Variants in ARHGAP10 observed in about 807,000 individuals in gnomAD.
ARHGAP10 encodes rho GTPase-activating protein 10.
Under a neutral mutation model 108.6 loss-of-function variants are expected in ARHGAP10, and 87 were observed. That is an observed-to-expected ratio of 0.80 (90% CI 0.67 to 0.96). ARHGAP10 has a LOEUF of 0.96. ARHGAP10 is among the 40% of genes least tolerant of loss of function. The pLI is 0.00. For missense variants in ARHGAP10, 939 were observed against 954.5 expected, an observed-to-expected ratio of 0.98 and a Z score of 0.21; for synonymous variants, 347 against 341.1, an observed-to-expected ratio of 1.02 and a Z score of -0.19.
Position 147,857,600 on chromosome 4 carries a change from A to C in ARHGAP10, c.432A>C (p.Leu144=), listed in dbSNP as rs773264728. 6.7e-7 allele frequency: 1 copy of C among 1,488,394 alleles called. No homozygotes were observed. The highest frequency in any genetic ancestry group is 8.9e-7 in the Non-Finnish European group (1 of 1,121,436). The allele number at this position is 1,488,394 out of a possible 1,614,324, so 92.2% of individuals were successfully genotyped here. Residue 144 remains leucine, a synonymous_variant, in exon 5 of 23, where the codon CTA becomes CTC. Coordinates refer to ENST00000336498, the MANE Select transcript of ARHGAP10 (RefSeq NM_024605.4). ...FDKETEKNYS[L]IDKHLNLSAK... ...AAGAGACAGAAAAGAATTATAGTCT[A>C]ATTGATAAACATTTGAATTTATCAG...
chr4:147,981,994 G>A (rs1027517864), intron 18 of ARHGAP10, among the ~76,000 whole-genome samples: 1 of 152,154 alleles, frequency 6.6e-6, no homozygotes, highest in African/African-American at 2.4e-5. Context: ...GCAGAAGGAC[G>A]GATCTTGGTT....
intron 1 of ARHGAP10, among the ~76,000 whole-genome samples, chr4:147,796,158 T>G (rs898683884): frequency 9.9e-5 from 15 of 152,240 alleles, no homozygotes; most frequent in Non-Finnish European, 8.8e-5. Context: ...GAAAATAAGT[T>G]TATAATAGTT....
intron 1 of ARHGAP10, among the ~76,000 whole-genome samples, chr4:147,770,614 G>A (rs1468706015): frequency 6.6e-6 from 1 of 152,194 alleles, no homozygotes; most frequent in African/African-American, 2.4e-5. Flanking sequence ...ATGAAAAAAA[G>A]TAATCAGTAT....
intron 18 of ARHGAP10, among the ~76,000 whole-genome samples, chr4:147,971,195 G>C: frequency 6.6e-6 from 1 of 152,132 alleles, no homozygotes; most frequent in African/African-American, 2.4e-5. Context: ...GGCAAAGGGT[G>C]CTGTGAACTT....
At chr4:147,847,271 C>T (rs779255567) in intron 4 of ARHGAP10, 49 bp downstream of exon 4, 1 of 1,465,712 alleles carries the variant, frequency 6.8e-7, no homozygotes, top group Non-Finnish European at 9.5e-7. Context: ...GCCTCTGCTG[C>T]TTCATGGTAC....
At chr4:147,845,290 C>T (rs574470645) in intron 3 of ARHGAP10, among the ~76,000 whole-genome samples, 5 of 152,300 alleles carry the variant, frequency 3.3e-5, no homozygotes, top group Admixed American at 2.6e-4. Context: ...GAAGGAATTA[C>T]TAGAATGTGC....
At chr4:147,896,171 T>C (rs931524688) in intron 10 of ARHGAP10, among the ~76,000 whole-genome samples, 1 of 152,194 alleles carries the variant, frequency 6.6e-6, no homozygotes, top group African/African-American at 2.4e-5. Flanking sequence ...TGCGTTATGA[T>C]CTTCATTTTT....
In ARHGAP10 at chr4:147,946,606, T is replaced by C; in HGVS notation, c.1304-11T>C. ...TTTTAATTATTTTTTTCTTGTTTGC[T>C]TGCTCACTAGATGTAAAAACATGCA... is the stretch of plus-strand genomic sequence containing the variant. On this transcript the variant is annotated splice_polypyrimidine_tract_variant and intron_variant, in intron 14 of 22. Transcript: ENST00000336498. 1 of 1,609,242 alleles carries C rather than the reference T, an allele frequency of 6.2e-7. No homozygotes were observed. Among genetic ancestry groups the C allele is most frequent in the Non-Finnish European group, 8.5e-7 (1 of 1,178,132 alleles).
chr4:148,072,722 A>G lies in ARHGAP10; in HGVS notation c.*641A>G, dbSNP rs1005009522. 2 of 152,222 alleles carry G rather than the reference A, an allele frequency of 1.3e-5. No homozygotes were observed. The highest frequency in any genetic ancestry group is 2.4e-5 in the African/African-American group (1 of 41,442). 9.4% of individuals were successfully genotyped at this position (152,222 alleles called of 1,614,324 possible). A position where few individuals can be genotyped will look rare whatever the true frequency, so the allele number is the denominator to read the frequency against. On this transcript the variant is annotated 3_prime_UTR_variant, in exon 23 of 23. Transcript: ENST00000336498. Reference sequence around the variant, plus strand: ...CTCCTCACCCGTGTGCTGTTTTCCAAACACCACCTTTTTGCCTCAAGGTCT... The same window carrying G: ...CTCCTCACCCGTGTGCTGTTTTCCAGACACCACCTTTTTGCCTCAAGGTCT...
chr4:147,837,636 G>T (rs1733221564), intron 3 of ARHGAP10, among the ~76,000 whole-genome samples: 1 of 27,738 alleles, frequency 3.6e-5, no homozygotes, highest in African/African-American at 5.7e-5. Flanking sequence ...TAGAATCTCT[G>T]GTCACTGTTT....
chr4:147,912,129 A>G (rs1736769561), intron 12 of ARHGAP10, among the ~76,000 whole-genome samples: 2 of 151,386 alleles, frequency 1.3e-5, no homozygotes, highest in African/African-American at 4.9e-5. Context: ...GATTTGTATC[A>G]CTTTCTTTTT....
chr4:147,732,787 C>G (rs902280860), intron 1 of ARHGAP10, among the ~76,000 whole-genome samples: 1 of 152,194 alleles, frequency 6.6e-6, no homozygotes. Context: ...ACTCCTGGCC[C>G]GGAGTCAGGT....
intron 19 of ARHGAP10, among the ~76,000 whole-genome samples, chr4:148,034,544 G>A (rs1728290351): frequency 6.6e-6 from 1 of 151,654 alleles, no homozygotes; most frequent in Non-Finnish European, 1.5e-5. Context: ...GGCCAGGCTG[G>A]TCTTGAGCTC....
At chr4:147,742,007 T>C (rs1270567191) in intron 1 of ARHGAP10, among the ~76,000 whole-genome samples, 1 of 152,030 alleles carries the variant, frequency 6.6e-6, no homozygotes, top group East Asian at 1.9e-4. Flanking sequence ...GTGAGTGTGA[T>C]TTCTCCTGAC....
intron 1 of ARHGAP10, among the ~76,000 whole-genome samples, chr4:147,797,381 G>A (rs1302469926): frequency 1.3e-5 from 2 of 151,904 alleles, no homozygotes; most frequent in East Asian, 1.9e-4. Flanking sequence ...GGAGTTGTTT[G>A]TTTTTCTCAT....
rs1379932142 is a variant in ARHGAP10, at chr4:147,864,878, C to T, written c.519C>T (p.His173=). ...TCCAAGTAGAGCAGAACCGGCAACA[C>T]TTCTATGAACTGTCTCTCGAGTATG... The part of the protein sequence containing the change: ...ADIQVEQNRQ[H]FYELSLEYVC... Residue 173 remains histidine (H), a synonymous_variant, in exon 6 of 23, where the codon CAC becomes CAT. Transcript: ENST00000336498. The T allele has an allele frequency of 2.5e-6, 4 of 1,614,020 alleles. No homozygotes were observed. The highest frequency in any genetic ancestry group is 2.7e-5 in the African/African-American group (2 of 75,020).
intron 19 of ARHGAP10, among the ~76,000 whole-genome samples, chr4:148,026,575 A>G (rs1310424916): frequency 6.6e-6 from 1 of 152,236 alleles, no homozygotes; most frequent in East Asian, 1.9e-4. Flanking sequence ...TTTGCAAAAG[A>G]CTGTAAAATT....
At chr4:147,917,511 A>T (rs1179899754) in intron 13 of ARHGAP10, 1 of 152,226 alleles carries the variant, frequency 6.6e-6, no homozygotes, top group East Asian at 1.9e-4. Flanking sequence ...CTGTGTTCAC[A>T]TTCTACTAAT....
At chr4:148,043,056 C>A (rs1285694808) in intron 19 of ARHGAP10, among the ~76,000 whole-genome samples, 1 of 152,066 alleles carries the variant, frequency 6.6e-6, no homozygotes, top group African/African-American at 2.4e-5. Flanking sequence ...TGCACCCTGA[C>A]AAAATGTACA....
Sources: allele counts gnomAD v4.1 joint callset (sites outside exome capture counted in the v4.1 genomes callset), GRCh38; gene constraint gnomAD v4.1.1; transcripts MANE v1.5; gene names NCBI Gene and HGNC (gene_info 2026-07-23, HGNC 2026-07-21).